The following TJP1 variants were observed in gnomAD, a reference collection of about 807,000 sequenced individuals.
TJP1 encodes the protein tight junction protein 1, also known as tight junction protein ZO-1.
In TJP1, 43 loss-of-function variants were observed where a neutral mutation model predicts 194.2. The ratio of observed to expected loss-of-function variants is 0.22; its 90% confidence interval spans 0.17 to 0.29. The LOEUF (loss-of-function observed/expected upper bound fraction) is 0.29, where lower values mean the gene tolerates loss of function less well. Among genes scored for constraint, TJP1 ranks in the 10% least tolerant of loss-of-function variants. The pLI, the probability that TJP1 is intolerant of heterozygous loss-of-function variation, is 1.00. For missense variants in TJP1, 1,971 were observed against 2,185.7 expected (o/e 0.90, Z 1.96); for synonymous variants, 801 against 779.0 (o/e 1.03, Z -0.47).
intron 2 of TJP1, among the ~76,000 whole-genome samples, chr15:29,919,668 G>C (rs546346358): frequency 6.6e-6 from 1 of 152,262 alleles, no homozygotes; most frequent in South Asian, 2.1e-4. Flanking sequence ...GGCATTTTGG[G>C]GGTCTGGAGA....
chr15:29,918,028 T>A (rs12594461), intron 2 of TJP1, among the ~76,000 whole-genome samples: 26,537 of 152,104 alleles, frequency 0.17, 2,464 homozygotes, highest in East Asian at 0.34. Context: ...TCTACTTTCT[T>A]CTCTATGACT....
chr15:29,952,462 A>C (rs2055784695), intron 2 of TJP1, among the ~76,000 whole-genome samples: 1 of 152,114 alleles, frequency 6.6e-6, no homozygotes, highest in Non-Finnish European at 1.5e-5. Flanking sequence ...CAGGAGTGAA[A>C]TGGCATCATT....
At chr15:29,814,925 G>A (rs893729441) in intron 1 of TJP1, among the ~76,000 whole-genome samples, 3 of 152,166 alleles carry the variant, frequency 2.0e-5, no homozygotes, top group Non-Finnish European at 2.9e-5. Context: ...ATATATGACA[G>A]GGTTTTGTTA....
At chr15:29,865,170 T>G (rs1219954724) in intron 2 of TJP1, among the ~76,000 whole-genome samples, 1 of 152,198 alleles carries the variant, frequency 6.6e-6, no homozygotes, top group African/African-American at 2.4e-5. Flanking sequence ...AGACTGTTTT[T>G]CTTGGTTTTA....
chr15:29,895,829 T>C (rs570879832), intron 2 of TJP1, among the ~76,000 whole-genome samples: 22 of 152,324 alleles, frequency 1.4e-4, no homozygotes, highest in African/African-American at 4.1e-4. Flanking sequence ...CAAAATACCA[T>C]AGACAAAGTA....
At chr15:29,711,356 T>C (rs1365130336) in intron 23 of TJP1, among the ~76,000 whole-genome samples, 1 of 152,138 alleles carries the variant, frequency 6.6e-6, no homozygotes, top group Admixed American at 6.5e-5. Flanking sequence ...TGGCACAAAT[T>C]TTCCTGAGAC....
At chr15:29,726,576 G>A in intron 17 of TJP1, 97 bp from the exon 18 acceptor site, 1 of 1,278,164 alleles carries the variant, frequency 7.8e-7, no homozygotes, top group Middle Eastern at 1.9e-4. Flanking sequence ...ATTACTGAAA[G>A]ATGGTATCTG....
At chr15:29,904,896 G>A (rs551775416) in intron 2 of TJP1, among the ~76,000 whole-genome samples, 1 of 152,178 alleles carries the variant, frequency 6.6e-6, no homozygotes, top group African/African-American at 2.4e-5. Flanking sequence ...GATGGAGGTA[G>A]AGACTGCAGC....
chr15:29,799,602 A>T (rs1489198837), intron 2 of TJP1, among the ~76,000 whole-genome samples: 1 of 152,046 alleles, frequency 6.6e-6, no homozygotes, highest in Non-Finnish European at 1.5e-5. Flanking sequence ...TTTTTAGTAC[A>T]GACAGGGTTT....
intron 1 of TJP1, among the ~76,000 whole-genome samples, chr15:29,961,605 T>G (rs2056166441): frequency 6.6e-6 from 1 of 152,198 alleles, no homozygotes; most frequent in Non-Finnish European, 1.5e-5. Context: ...ATGGCTGATA[T>G]GCATCAAACG....
chr15:29,717,998 C>T (rs748214725), intron 22 of TJP1, 23 bp downstream of exon 22: 5 of 1,593,182 alleles, frequency 3.1e-6, no homozygotes, highest in Non-Finnish European at 8.6e-7. Context: ...TTCTATGCCA[C>T]AAAGAGCACA....
intron 2 of TJP1, among the ~76,000 whole-genome samples, chr15:29,888,310 ATATAT>A (rs2053190568): frequency 6.6e-6 from 1 of 152,262 alleles, no homozygotes; most frequent in African/African-American, 2.4e-5. Flanking sequence ...ATATGTAGAA[ATATAT>A]TAGGTATAAC....
At chr15:29,840,065 T>C (rs2051168358) in intron 2 of TJP1, among the ~76,000 whole-genome samples, 1 of 152,244 alleles carries the variant, frequency 6.6e-6, no homozygotes, top group African/African-American at 2.4e-5. Context: ...GAGGTGTGTG[T>C]GTCTTTTGTC....
intron 2 of TJP1, among the ~76,000 whole-genome samples, chr15:29,838,388 G>A (rs1026888303): frequency 2.0e-5 from 3 of 152,168 alleles, no homozygotes; most frequent in Non-Finnish European, 4.4e-5. Flanking sequence ...TTGCACCACC[G>A]CACTCCAGCC....
chr15:29,821,921 G>A, intron 1 of TJP1, 81 bp downstream of exon 1: 1 of 1,160,142 alleles, frequency 8.6e-7, no homozygotes, highest in Non-Finnish European at 1.1e-6. Context: ...CAGCGAGGGA[G>A]GGCGGGACGC....
intron 2 of TJP1, among the ~76,000 whole-genome samples, chr15:29,876,812 C>T (rs2052718792): frequency 6.6e-6 from 1 of 152,200 alleles, no homozygotes; most frequent in South Asian, 2.1e-4. Flanking sequence ...AATGTAACAT[C>T]AGGCAGTGCT....
chr15:29,965,955 C>T (rs1000995329), intron 1 of TJP1, among the ~76,000 whole-genome samples: 1 of 152,152 alleles, frequency 6.6e-6, no homozygotes, highest in South Asian at 2.1e-4. Context: ...CTTTTCCAGG[C>T]CGCCTCTTAG....
rs535486616 is a variant in TJP1 at position 29,796,340 on chromosome 15, T to TAAA, written c.84+4303_84+4305dup. Among the ~76,000 whole-genome samples, 9 of 83,180 alleles carry TAAA rather than the reference T, an allele frequency of 1.1e-4. No individual in the cohort carries two copies. The East Asian group carries it at 2.6e-3, about 24-fold the overall frequency. The allele number at this position is 83,180 out of a possible 152,430, so 54.6% of individuals were successfully genotyped here. A position where few individuals can be genotyped will look rare whatever the true frequency, so the allele number is the denominator to read the frequency against. On this transcript the variant is annotated intron_variant, in intron 2 of 27. Coordinates refer to ENST00000614355, the MANE Select transcript of TJP1 (RefSeq NM_001330239.4). ...TAATTTTAAGACTGCAAGGTTGCTATAAAAAAAAAAACAAAAAAAAACCTG... is the reference window on the plus strand; with the variant it reads ...TAATTTTAAGACTGCAAGGTTGCTATAAAAAAAAAAAAAACAAAAAAAAACCTG...
At chr15:29,948,317 G>C (rs1026662720) in intron 2 of TJP1, among the ~76,000 whole-genome samples, 2 of 150,894 alleles carry the variant, frequency 1.3e-5, no homozygotes, top group African/African-American at 4.9e-5. Flanking sequence ...AGTGATATTT[G>C]AGGATTATTT....
Sources: gnomAD v4.1 joint callset for allele counts (sites outside exome capture counted in the v4.1 genomes callset) on GRCh38, gnomAD v4.1.1 for gene constraint, MANE v1.5 for transcripts, NCBI Gene and HGNC (gene_info 2026-07-23, HGNC 2026-07-21) for gene names.